TAFA1: variants seen among roughly 807,000 people sequenced by gnomAD.
TAFA1 encodes chemokine-like protein TAFA-1.
A neutral mutation model predicts 18.5 loss-of-function variants in TAFA1; 4 were observed. The ratio of observed to expected loss-of-function variants is 0.22; its 90% confidence interval spans 0.11 to 0.49. TAFA1 has a LOEUF of 0.49. Ranked by LOEUF, TAFA1 falls within the 20% of genes least tolerant of loss-of-function variation. The pLI, the probability that TAFA1 is intolerant of heterozygous loss-of-function variation, is 0.98. For synonymous variants in TAFA1, 56 were observed against 55.2 expected (o/e 1.01, Z -0.06); for missense variants, 147 against 169.0 (o/e 0.87, Z 0.72).
intron 2 of TAFA1, among the ~76,000 whole-genome samples, chr3:68,236,450 T>C (rs1220983730): frequency 6.6e-6 from 1 of 152,238 alleles, no homozygotes. Flanking sequence ...CTAAAGCCAC[T>C]TAAACTCATT....
chr3:68,330,595 G>A (rs2068850403), intron 2 of TAFA1, among the ~76,000 whole-genome samples: 1 of 152,164 alleles, frequency 6.6e-6, no homozygotes, highest in African/African-American at 2.4e-5. Context: ...GGGATGCAAG[G>A]TATGTTATCA....
At chr3:68,352,182 T>C (rs1200451269) in intron 2 of TAFA1, among the ~76,000 whole-genome samples, 4 of 151,934 alleles carry the variant, frequency 2.6e-5, no homozygotes, top group African/African-American at 9.7e-5. Context: ...CATAGGAATA[T>C]GATATCAGGG....
intron 2 of TAFA1, among the ~76,000 whole-genome samples, chr3:68,315,987 G>T (rs1055868455): frequency 6.6e-6 from 1 of 152,190 alleles, no homozygotes; most frequent in Non-Finnish European, 1.5e-5. Context: ...GAAAGCAGTG[G>T]CTCTGGAGGG....
chr3:68,047,899 C>T (rs1005357420), intron 2 of TAFA1, among the ~76,000 whole-genome samples: 1 of 152,144 alleles, frequency 6.6e-6, no homozygotes, highest in Non-Finnish European at 1.5e-5. Context: ...GAGACTCAAT[C>T]ACTGCAAGGG....
intron 2 of TAFA1, among the ~76,000 whole-genome samples, chr3:68,224,024 T>C (rs1294571817): frequency 6.6e-6 from 1 of 151,236 alleles, no homozygotes; most frequent in East Asian, 1.9e-4. Context: ...CCAGATTTTA[T>C]AGCCAACAAC....
intron 2 of TAFA1, among the ~76,000 whole-genome samples, chr3:68,336,111 A>G (rs1050661809): frequency 2.6e-5 from 4 of 152,204 alleles, no homozygotes; most frequent in African/African-American, 9.7e-5. Flanking sequence ...CTCTCTGATC[A>G]TTGGCTTTCT....
chr3:68,533,816 T>C (rs372244788), intron 3 of TAFA1, among the ~76,000 whole-genome samples: 1 of 152,138 alleles, frequency 6.6e-6, no homozygotes, highest in African/African-American at 2.4e-5. Flanking sequence ...AGGATTTGTG[T>C]TTGTGTGACT....
At chr3:68,354,776 C>A (rs1044398048) in intron 2 of TAFA1, among the ~76,000 whole-genome samples, 6 of 151,890 alleles carry the variant, frequency 4.0e-5, no homozygotes, top group African/African-American at 1.4e-4. Flanking sequence ...GTTGCTGTGT[C>A]CTCCAGAGGG....
At chr3:68,032,683 T>C (rs1388931274) in intron 2 of TAFA1, among the ~76,000 whole-genome samples, 1 of 152,126 alleles carries the variant, frequency 6.6e-6, no homozygotes, top group African/African-American at 2.4e-5. Flanking sequence ...CTCTGCTTTT[T>C]CCCTCCCAGA....
At position 68,524,960 on chromosome 3, in the gene TAFA1, C is replaced by T. The variant is rs138522839; in HGVS notation, c.260-13796C>T. On this transcript the variant is annotated intron_variant, in intron 3 of 4. Transcript: ENST00000478136. ...TGCTGGGATTACAGGCGTGAGCCAA[C>T]GCGCCCGGCCGTTTCTAGGTTTTAT... 8.7e-3 allele frequency among the ~76,000 whole-genome samples: 1,324 copies of T among 152,240 alleles called. 19 individuals are homozygous for T. Among genetic ancestry groups the T allele is most frequent in the African/African-American group, 0.031 (1,273 of 41,556 alleles).
At chr3:68,537,413 C>T (rs557172405) in intron 3 of TAFA1, among the ~76,000 whole-genome samples, 1 of 152,106 alleles carries the variant, frequency 6.6e-6, no homozygotes, top group African/African-American at 2.4e-5. Flanking sequence ...TGGCCCAAAA[C>T]AGGTTATGAT....
intron 2 of TAFA1, among the ~76,000 whole-genome samples, chr3:68,409,732 G>A (rs1408146779): frequency 6.6e-6 from 1 of 152,124 alleles, no homozygotes; most frequent in Non-Finnish European, 1.5e-5. Context: ...CCGGACATTA[G>A]CAAGTTCCCA....
At chr3:68,389,885 G>A (rs1467974252) in intron 2 of TAFA1, among the ~76,000 whole-genome samples, 1 of 152,134 alleles carries the variant, frequency 6.6e-6, no homozygotes, top group Non-Finnish European at 1.5e-5. Context: ...ATTTGCTTGG[G>A]TGCCTACACC....
chr3:67,999,287 C>CTGTGTGTGTGTGTGTGTGTGTG (rs796820506), upstream of TAFA1, among the ~76,000 whole-genome samples: 141 of 147,766 alleles, frequency 9.5e-4, 1 homozygote, highest in African/African-American at 2.6e-3. Flanking sequence ...CCCCCTCTCT[C>CTGTGTGTGTGTGTGTGTGTGTG]TGTGTGTGTG....
chr3:68,482,363 C>T (rs1023322952), intron 3 of TAFA1, among the ~76,000 whole-genome samples: 3 of 152,040 alleles, frequency 2.0e-5, no homozygotes, highest in African/African-American at 7.2e-5. Context: ...ATATTGTAGA[C>T]ACCAAGAAGA....
In TAFA1 at chr3:68,022,249, C is replaced by T. The variant is rs186092617; in HGVS notation, c.118+15505C>T. 4.6e-5 allele frequency among the ~76,000 whole-genome samples: 7 copies of T among 152,178 alleles called. No homozygotes were observed. In the East Asian group the frequency reaches 5.8e-4, roughly 13 times the overall value. ...GGTGTAAAGTTCTTTCTACAGGATACGGTATTATTCATCAACAGGAAACAA... is the reference window on the plus strand; with the variant it reads ...GGTGTAAAGTTCTTTCTACAGGATATGGTATTATTCATCAACAGGAAACAA... On this transcript the variant is annotated intron_variant, in intron 2 of 4. Coordinates refer to ENST00000478136, the MANE Select transcript of TAFA1 (RefSeq NM_213609.4).
At chr3:68,394,357 G>A (rs908969656) in intron 2 of TAFA1, among the ~76,000 whole-genome samples, 24 of 152,162 alleles carry the variant, frequency 1.6e-4, no homozygotes, top group African/African-American at 3.6e-4. Context: ...AATCAATATC[G>A]TGAAAATGGC....
chr3:68,024,737 G>C (rs1251664008), intron 2 of TAFA1, among the ~76,000 whole-genome samples: 1 of 150,888 alleles, frequency 6.6e-6, no homozygotes, highest in Non-Finnish European at 1.5e-5. Context: ...CATCCCTTAG[G>C]GGCAGAATAA....
intron 2 of TAFA1, among the ~76,000 whole-genome samples, chr3:68,225,300 G>A (rs749111401): frequency 1.3e-5 from 2 of 152,112 alleles, no homozygotes; most frequent in African/African-American, 2.4e-5. Flanking sequence ...ACATGAATGG[G>A]AAGTTTTCAA....
Sources: gnomAD v4.1 joint callset for allele counts (sites outside exome capture counted in the v4.1 genomes callset) on GRCh38, gnomAD v4.1.1 for gene constraint, MANE v1.5 for transcripts, NCBI Gene and HGNC (gene_info 2026-07-23, HGNC 2026-07-21) for gene names.